HDAC9: variants seen among roughly 807,000 people sequenced by gnomAD.
HDAC9 encodes the protein MEF-2 interacting transcription repressor (MITR) protein.
HDAC9 carries 41 observed loss-of-function variants against 139.4 expected under a neutral mutation model. That is an observed-to-expected ratio of 0.29 (90% CI 0.23 to 0.38). HDAC9 has a LOEUF of 0.38. HDAC9 is among the 10% of genes least tolerant of loss of function. The probability of loss-of-function intolerance (pLI) is 1.00; values close to 1 mark genes in which losing one functional copy is unlikely to be tolerated. For missense variants in HDAC9, 1,147 were observed against 1,297.0 expected (o/e 0.88, Z 1.78); for synonymous variants, 517 against 476.2 (o/e 1.09, Z -1.12).
At chr7:18,980,726 CCTT>C (rs747058445) in intron 25 of HDAC9, among the ~76,000 whole-genome samples, 88 of 133,292 alleles carry the variant, frequency 6.6e-4, no homozygotes, top group African/African-American at 1.0e-3. Flanking sequence ...TCTTCTTCTT[CCTT>C]CTTCTTCTTC....
At chr7:18,836,507 T>C (rs1283294715) in intron 21 of HDAC9, among the ~76,000 whole-genome samples, 1 of 152,192 alleles carries the variant, frequency 6.6e-6, no homozygotes, top group Non-Finnish European at 1.5e-5. Flanking sequence ...ATAGTTTTCC[T>C]TTCACATGAA....
intron 1 of HDAC9, among the ~76,000 whole-genome samples, chr7:18,388,886 A>G (rs1786196924): frequency 6.6e-6 from 1 of 152,276 alleles, no homozygotes; most frequent in African/African-American, 2.4e-5. Flanking sequence ...TCAGCTCTTC[A>G]AAGTATCAAA....
At chr7:18,127,505 T>G (rs995262620) in intron 1 of HDAC9, among the ~76,000 whole-genome samples, 1 of 152,152 alleles carries the variant, frequency 6.6e-6, no homozygotes, top group Non-Finnish European at 1.5e-5. Flanking sequence ...TTCTTTAGTT[T>G]GCAGTTTACC....
At chr7:18,264,097 A>C (rs1381516724) in intron 2 of HDAC9, among the ~76,000 whole-genome samples, 2 of 152,240 alleles carry the variant, frequency 1.3e-5, no homozygotes, top group Non-Finnish European at 2.9e-5. Flanking sequence ...TAACAATAAT[A>C]GTTGGGGACT....
At chr7:18,118,064 T>C (rs1053751795) in intron 1 of HDAC9, among the ~76,000 whole-genome samples, 1 of 152,208 alleles carries the variant, frequency 6.6e-6, no homozygotes, top group African/African-American at 2.4e-5. Context: ...CTCTGAGTAA[T>C]AATAACAACC....
At chr7:18,257,820 T>C (rs1795382161) in intron 2 of HDAC9, among the ~76,000 whole-genome samples, 1 of 152,234 alleles carries the variant, frequency 6.6e-6, no homozygotes, top group African/African-American at 2.4e-5. Context: ...TTTGGGTTAA[T>C]TGCATAATGC....
At chr7:18,283,954 A>C (rs1797269860) in intron 2 of HDAC9, among the ~76,000 whole-genome samples, 1 of 152,200 alleles carries the variant, frequency 6.6e-6, no homozygotes, top group African/African-American at 2.4e-5. Flanking sequence ...CAGCAAAAGA[A>C]AAAGTTAGAA....
intron 21 of HDAC9, among the ~76,000 whole-genome samples, chr7:18,851,089 A>G (rs1022930575): frequency 7.2e-5 from 11 of 152,182 alleles, no homozygotes; most frequent in African/African-American, 1.9e-4. Context: ...GAATTAACCA[A>G]TTCTTGTGGT....
intron 1 of HDAC9, among the ~76,000 whole-genome samples, chr7:18,466,394 C>A (rs1373689597): frequency 2.0e-5 from 3 of 152,084 alleles, no homozygotes; most frequent in African/African-American, 4.8e-5. Flanking sequence ...ATGAGTTTTG[C>A]TGTGTTGCCC....
chr7:18,534,789 C>A (rs770178287), intron 2 of HDAC9, among the ~76,000 whole-genome samples: 10 of 152,244 alleles, frequency 6.6e-5, no homozygotes, highest in Middle Eastern at 3.4e-3. Flanking sequence ...GGCCTCACCT[C>A]AGTTTTGTTT....
At chr7:18,729,473 A>AT in intron 13 of HDAC9, among the ~76,000 whole-genome samples, 1 of 152,094 alleles carries the variant, frequency 6.6e-6, no homozygotes. Flanking sequence ...TCTAGTTTTC[A>AT]TATGTTCCTT....
At chr7:18,320,031 T>C (rs924040360) in intron 1 of HDAC9, among the ~76,000 whole-genome samples, 6 of 152,226 alleles carry the variant, frequency 3.9e-5, no homozygotes, top group Non-Finnish European at 2.9e-5. Context: ...AAGATTTTTT[T>C]TCACTCTCTA....
At chr7:18,158,574 C>T (rs1366897425) in intron 1 of HDAC9, among the ~76,000 whole-genome samples, 1 of 152,188 alleles carries the variant, frequency 6.6e-6, no homozygotes, top group Non-Finnish European at 1.5e-5. Flanking sequence ...AAACAAATCC[C>T]TGAACCTCTT....
chr7:18,818,515 A>G (rs1794734131), intron 17 of HDAC9, among the ~76,000 whole-genome samples: 1 of 152,236 alleles, frequency 6.6e-6, no homozygotes, highest in Admixed American at 6.5e-5. Context: ...TGTCACATAG[A>G]CTTACTATTC....
At chr7:18,414,910 AC>A (rs915823940) in intron 1 of HDAC9, among the ~76,000 whole-genome samples, 3 of 151,570 alleles carry the variant, frequency 2.0e-5, no homozygotes, top group African/African-American at 7.3e-5. Context: ...CTTACTTGAA[AC>A]CCTTTGTATT....
chr7:18,553,762 T>C (rs1367617003), intron 2 of HDAC9, among the ~76,000 whole-genome samples: 1 of 152,204 alleles, frequency 6.6e-6, no homozygotes, highest in Non-Finnish European at 1.5e-5. Flanking sequence ...CTGCCACTGA[T>C]TTTATCTTAC....
At chr7:18,263,008 G>A (rs1047308937) in intron 2 of HDAC9, among the ~76,000 whole-genome samples, 1 of 152,036 alleles carries the variant, frequency 6.6e-6, no homozygotes, top group African/African-American at 2.4e-5. Context: ...TACCTTATGA[G>A]TAATTTATTT....
At chr7:18,786,609 CCTTCCT>C (rs1490250153) in intron 16 of HDAC9, among the ~76,000 whole-genome samples, 1,752 of 83,548 alleles carry the variant, frequency 0.021, 115 homozygotes, top group African/African-American at 0.093. Context: ...TTCCTTCCTT[CCTTCCT>C]TCCCTCCCTC....
chr7:18,591,588 C>T lies in HDAC9; in HGVS notation c.488C>T (p.Thr163Ile). ...CTGAGTAAATCAGCAACGAAAGACACTCCAACTAATGGAAAAAATCATTCC... is the reference window on the plus strand; with the variant it reads ...CTGAGTAAATCAGCAACGAAAGACATTCCAACTAATGGAAAAAATCATTCC... The part of the protein sequence containing the change: ...FLLSKSATKD[T>I]PTNGKNHSVS... Residue 163 changes from threonine to isoleucine, a missense_variant, in exon 5 of 26, where the codon ACT becomes ATT. Transcript: ENST00000686413. 1 of 1,613,492 alleles carries T rather than the reference C, an allele frequency of 6.2e-7. No homozygotes were observed. The highest frequency in any genetic ancestry group is 8.5e-7 in the Non-Finnish European group (1 of 1,179,738).
Sources: allele counts gnomAD v4.1 joint callset (sites outside exome capture counted in the v4.1 genomes callset), GRCh38; gene constraint gnomAD v4.1.1; transcripts MANE v1.5; gene names NCBI Gene and HGNC (gene_info 2026-07-23, HGNC 2026-07-21).